The following EBF1 variants were observed in gnomAD, a reference collection of about 807,000 sequenced individuals.
The protein encoded by EBF1 is transcription factor COE1.
A neutral mutation model predicts 68.4 loss-of-function variants in EBF1; 10 were observed. That is an observed-to-expected ratio of 0.15 (90% CI 0.09 to 0.25). EBF1 has a LOEUF of 0.25. Among genes scored for constraint, EBF1 ranks in the 10% least tolerant of loss-of-function variants. The pLI, the probability that EBF1 is intolerant of heterozygous loss-of-function variation, is 1.00. For synonymous variants in EBF1, 298 were observed against 299.8 expected, an observed-to-expected ratio of 0.99 and a Z score of 0.06; for missense variants, 509 against 794.4, an observed-to-expected ratio of 0.64 and a Z score of 4.32.
At chr5:158,855,439 G>A (rs1305893672) in intron 6 of EBF1, among the ~76,000 whole-genome samples, 1 of 152,198 alleles carries the variant, frequency 6.6e-6, no homozygotes, top group Non-Finnish European at 1.5e-5. Flanking sequence ...ATTAGTGGCA[G>A]CCTCTAGTTC....
chr5:158,805,882 T>C (rs1781493410), intron 8 of EBF1, among the ~76,000 whole-genome samples: 1 of 151,998 alleles, frequency 6.6e-6, no homozygotes, highest in Admixed American at 6.6e-5. Context: ...GGATCGGTAA[T>C]AGTCATCACT....
At chr5:158,798,612 A>T (rs1780014073) in intron 8 of EBF1, among the ~76,000 whole-genome samples, 1 of 152,240 alleles carries the variant, frequency 6.6e-6, no homozygotes, top group African/African-American at 2.4e-5. Context: ...TGTTATACGT[A>T]GGATACAGAA....
chr5:159,034,401 G>C (rs928363246), intron 6 of EBF1, among the ~76,000 whole-genome samples: 5 of 152,120 alleles, frequency 3.3e-5, no homozygotes, highest in Admixed American at 3.3e-4. Flanking sequence ...ACAATTCCAT[G>C]ATATATTTTT....
At chr5:158,866,897 A>G (rs1312898992) in intron 6 of EBF1, among the ~76,000 whole-genome samples, 2 of 119,866 alleles carry the variant, frequency 1.7e-5, no homozygotes, top group East Asian at 2.5e-4. Flanking sequence ...ATATATATAA[A>G]GCCACATAGT....
intron 6 of EBF1, among the ~76,000 whole-genome samples, chr5:158,934,275 T>C (rs746319413): frequency 1.3e-5 from 2 of 152,154 alleles, no homozygotes; most frequent in African/African-American, 2.4e-5. Context: ...TTCAACAACC[T>C]CTGCAATGCC....
chr5:158,880,805 C>CA (rs1209434373), intron 6 of EBF1, among the ~76,000 whole-genome samples: 2 of 152,094 alleles, frequency 1.3e-5, no homozygotes, highest in Non-Finnish European at 1.5e-5. Flanking sequence ...GGGGAAATTA[C>CA]AAAAAACAAA....
chr5:158,986,700 G>A (rs1354733659), intron 6 of EBF1, among the ~76,000 whole-genome samples: 1 of 152,162 alleles, frequency 6.6e-6, no homozygotes, highest in Admixed American at 6.5e-5. Flanking sequence ...TCAGTTGTGA[G>A]GTTGGGGGAA....
intron 6 of EBF1, among the ~76,000 whole-genome samples, chr5:158,896,254 T>C (rs988560450): frequency 6.6e-6 from 1 of 152,218 alleles, no homozygotes; most frequent in African/African-American, 2.4e-5. Context: ...AATTATCCAC[T>C]GTTGAATAAG....
intron 6 of EBF1, among the ~76,000 whole-genome samples, chr5:158,931,605 G>C (rs1432300165): frequency 1.3e-5 from 2 of 152,122 alleles, no homozygotes; most frequent in African/African-American, 4.8e-5. Context: ...TAGCTGCAGA[G>C]GTACCTCAAA....
chr5:159,035,790 A>G (rs1769919598), intron 6 of EBF1, among the ~76,000 whole-genome samples: 1 of 152,254 alleles, frequency 6.6e-6, no homozygotes, highest in South Asian at 2.1e-4. Context: ...GTGAGGAAAC[A>G]GAATTTGCCT....
At chr5:158,923,366 A>G (rs762054606) in intron 6 of EBF1, among the ~76,000 whole-genome samples, 1 of 152,216 alleles carries the variant, frequency 6.6e-6, no homozygotes, top group Non-Finnish European at 1.5e-5. Context: ...CTTATCTGGC[A>G]TTCTCATCCC....
chr5:158,864,077 C>T (rs894988954), intron 6 of EBF1, among the ~76,000 whole-genome samples: 3 of 151,762 alleles, frequency 2.0e-5, no homozygotes, highest in Admixed American at 6.6e-5. Flanking sequence ...ACTAAAAATA[C>T]AAAAAATTAG....
chr5:158,908,370 A>C (rs2127346442), intron 6 of EBF1, among the ~76,000 whole-genome samples: 1 of 152,318 alleles, frequency 6.6e-6, no homozygotes, highest in East Asian at 1.9e-4. Flanking sequence ...AATTAACTTA[A>C]CATGATATCT....
intron 10 of EBF1, among the ~76,000 whole-genome samples, chr5:158,760,393 T>C (rs1313444428): frequency 6.6e-6 from 1 of 152,116 alleles, no homozygotes; most frequent in African/African-American, 2.4e-5. Flanking sequence ...GAACCCATTA[T>C]ATAAGATGAA....
chr5:158,824,467 A>C (rs1297516865), intron 7 of EBF1, among the ~76,000 whole-genome samples: 2 of 152,260 alleles, frequency 1.3e-5, no homozygotes, highest in South Asian at 4.1e-4. Flanking sequence ...ATCTGCTCTC[A>C]TAATGAGGCG....
At chr5:158,704,178 G>A (rs1757358284) in intron 15 of EBF1, among the ~76,000 whole-genome samples, 1 of 152,194 alleles carries the variant, frequency 6.6e-6, no homozygotes, top group Admixed American at 6.5e-5. Flanking sequence ...TACCTTAAGG[G>A]TGGTTGGGAG....
At chr5:158,895,169 T>C (rs188477768) in intron 6 of EBF1, among the ~76,000 whole-genome samples, 2 of 152,270 alleles carry the variant, frequency 1.3e-5, no homozygotes, top group East Asian at 3.9e-4. Context: ...ATAAGTCAGA[T>C]GCCAGGTAGG....
intron 10 of EBF1, among the ~76,000 whole-genome samples, chr5:158,759,568 AT>A (rs1208858324): frequency 6.6e-6 from 1 of 152,148 alleles, no homozygotes; most frequent in Non-Finnish European, 1.5e-5. Flanking sequence ...AAGTCCACAG[AT>A]GCTTGGAAAT....
intron 7 of EBF1, among the ~76,000 whole-genome samples, chr5:158,838,543 T>C (rs951983366): frequency 2.0e-5 from 3 of 151,382 alleles, no homozygotes; most frequent in Admixed American, 6.6e-5. Flanking sequence ...TTTAGAGAAA[T>C]ACCTCAGAAT....
Sources: gnomAD v4.1 joint callset for allele counts (sites outside exome capture counted in the v4.1 genomes callset) on GRCh38, gnomAD v4.1.1 for gene constraint, MANE v1.5 for transcripts, NCBI Gene and HGNC (gene_info 2026-07-23, HGNC 2026-07-21) for gene names.